Variants in TRPS1 observed in about 807,000 individuals in gnomAD.
TRPS1 encodes transcriptional repressor GATA binding 1.
TRPS1 carries 6 observed loss-of-function variants against 101.2 expected under a neutral mutation model. The observed-to-expected ratio is 0.06, with a 90% CI of 0.03 to 0.12. The LOEUF (loss-of-function observed/expected upper bound fraction) is 0.12, where lower values mean the gene tolerates loss of function less well. Ranked by LOEUF, TRPS1 falls within the 10% of genes least tolerant of loss-of-function variation. The pLI, the probability that TRPS1 is intolerant of heterozygous loss-of-function variation, is 1.00. For synonymous variants in TRPS1, 578 were observed against 589.8 expected, an observed-to-expected ratio of 0.98 and a Z score of 0.29; for missense variants, 1,363 against 1,567.0, an observed-to-expected ratio of 0.87 and a Z score of 2.20.
chr8:115,668,033 G>T (rs1274176896), intron 1 of TRPS1: 5 of 838,508 alleles, frequency 6.0e-6, no homozygotes, highest in South Asian at 3.2e-5. Context: ...GAGACAGCGA[G>T]GGGGAGTGGG....
At chr8:115,525,633 T>A (rs1456812478) in intron 5 of TRPS1, among the ~76,000 whole-genome samples, 2 of 152,056 alleles carry the variant, frequency 1.3e-5, no homozygotes, top group Admixed American at 1.3e-4. Flanking sequence ...CTTAGTAGAG[T>A]GAGAGAGTGG....
intron 5 of TRPS1, among the ~76,000 whole-genome samples, chr8:115,544,602 T>C (rs999650737): frequency 1.1e-4 from 17 of 152,134 alleles, no homozygotes; most frequent in Non-Finnish European, 1.9e-4. Context: ...AGAAAACCCA[T>C]TTCATGTACA....
chr8:115,515,010 A>T (rs1815676423), intron 5 of TRPS1, among the ~76,000 whole-genome samples: 1 of 151,682 alleles, frequency 6.6e-6, no homozygotes, highest in Non-Finnish European at 1.5e-5. Flanking sequence ...GAACCTCTAG[A>T]GATGATCAAG....
At chr8:115,578,419 A>G (rs1417473932) in intron 5 of TRPS1, among the ~76,000 whole-genome samples, 2 of 152,164 alleles carry the variant, frequency 1.3e-5, no homozygotes, top group African/African-American at 4.8e-5. Flanking sequence ...TATCCCAAAA[A>G]GATGATAAAG....
intron 5 of TRPS1, among the ~76,000 whole-genome samples, chr8:115,439,538 T>C (rs985815315): frequency 3.3e-5 from 5 of 152,232 alleles, no homozygotes; most frequent in African/African-American, 2.4e-5. Context: ...AACTAAAATT[T>C]ATTTTAATAG....
intron 5 of TRPS1, among the ~76,000 whole-genome samples, chr8:115,419,714 T>C (rs1813005308): frequency 6.6e-6 from 1 of 152,196 alleles, no homozygotes; most frequent in South Asian, 2.1e-4. Context: ...TTCTTGGCAT[T>C]GAAAGGGCAT....
At chr8:115,643,423 C>G (rs752385473) in intron 1 of TRPS1, among the ~76,000 whole-genome samples, 6 of 152,192 alleles carry the variant, frequency 3.9e-5, no homozygotes, top group Non-Finnish European at 2.9e-5. Context: ...GTCATTTTGA[C>G]AATGTTCACA....
chr8:115,460,550 T>C (rs1814143541), intron 5 of TRPS1, among the ~76,000 whole-genome samples: 1 of 152,038 alleles, frequency 6.6e-6, no homozygotes, highest in South Asian at 2.1e-4. Context: ...CTTACAAAAA[T>C]AATAAAATAA....
chr8:115,534,530 C>T (rs994707215), intron 5 of TRPS1, among the ~76,000 whole-genome samples: 10 of 152,216 alleles, frequency 6.6e-5, no homozygotes, highest in East Asian at 1.9e-4. Context: ...CTCTAACCCC[C>T]GGTGTGATGG....
intron 5 of TRPS1, among the ~76,000 whole-genome samples, chr8:115,453,692 C>A (rs926128654): frequency 6.6e-6 from 1 of 152,180 alleles, no homozygotes; most frequent in Non-Finnish European, 1.5e-5. Flanking sequence ...TTCCGAAACA[C>A]CTTCAAAGAG....
At chr8:115,445,850 C>G (rs1000921108) in intron 5 of TRPS1, among the ~76,000 whole-genome samples, 8 of 152,068 alleles carry the variant, frequency 5.3e-5, no homozygotes, top group Non-Finnish European at 8.8e-5. Context: ...CTATAAATAT[C>G]AATGCATAAG....
At position 115,499,850 on chromosome 8, in the gene TRPS1, A is replaced by G. The variant is rs190748497; in HGVS notation, c.2701-81398T>C. ...TACAACTAAAGGAATATGGGGAGCT[A>G]GGATACAATGTGAATTGATTTGTAG... On this transcript the variant is annotated intron_variant, in intron 5 of 6. Coordinates refer to ENST00000395715, the MANE Select transcript of TRPS1 (RefSeq NM_014112.5). Among the ~76,000 whole-genome samples the G allele has an allele frequency of 1.4e-3, 219 of 152,358 alleles. 1 individual carries two copies. Among genetic ancestry groups the G allele is most frequent in the African/African-American group, 3.9e-3 (162 of 41,602 alleles).
At chr8:115,516,548 G>A (rs911948936) in intron 5 of TRPS1, among the ~76,000 whole-genome samples, 2 of 151,520 alleles carry the variant, frequency 1.3e-5, no homozygotes, top group African/African-American at 4.8e-5. Context: ...ATAGAAGAAA[G>A]AACTCTATCA....
At chr8:115,505,059 T>C (rs139349777) in intron 5 of TRPS1, among the ~76,000 whole-genome samples, 31 of 152,156 alleles carry the variant, frequency 2.0e-4, no homozygotes, top group African/African-American at 6.7e-4. Context: ...CTCATATAAA[T>C]AAGAGTGAAA....
intron 1 of TRPS1, among the ~76,000 whole-genome samples, chr8:115,651,966 A>C (rs1229293570): frequency 8.5e-5 from 13 of 152,212 alleles, no homozygotes; most frequent in Non-Finnish European, 1.6e-4. Context: ...GTACTTACGG[A>C]GGCTGAAGGC....
chr8:115,551,154 A>G (rs1233476266), intron 5 of TRPS1, among the ~76,000 whole-genome samples: 2 of 152,218 alleles, frequency 1.3e-5, no homozygotes, highest in Non-Finnish European at 2.9e-5. Flanking sequence ...TTTCAAAACC[A>G]GATTACAGAA....
chr8:115,455,775 C>CTTTCTTTCTTTCT (rs1554622479), intron 5 of TRPS1, among the ~76,000 whole-genome samples: 1 of 119,992 alleles, frequency 8.3e-6, no homozygotes, highest in Non-Finnish European at 1.7e-5. Context: ...TTCTTTCTTT[C>CTTTCTTTCTTTCT]TTTTTTTTTT....
At chr8:115,483,632 T>C (rs755817868) in intron 5 of TRPS1, among the ~76,000 whole-genome samples, 2 of 152,164 alleles carry the variant, frequency 1.3e-5, no homozygotes, top group Non-Finnish European at 2.9e-5. Flanking sequence ...GTTAAGTAAC[T>C]TGCCCAAGCT....
intron 5 of TRPS1, among the ~76,000 whole-genome samples, chr8:115,534,199 T>C (rs1412606803): frequency 9.9e-5 from 15 of 150,858 alleles, no homozygotes; most frequent in South Asian, 2.1e-4. Context: ...ACACTGGAGA[T>C]TGAAGCTCTA....
Sources: allele counts gnomAD v4.1 joint callset (sites outside exome capture counted in the v4.1 genomes callset), GRCh38; gene constraint gnomAD v4.1.1; transcripts MANE v1.5; gene names NCBI Gene and HGNC (gene_info 2026-07-23, HGNC 2026-07-21).